The following HOMER2 variants were observed in gnomAD, a reference collection of about 807,000 sequenced individuals.
HOMER2 encodes homer protein homolog 2.
HOMER2 carries 27 observed loss-of-function variants against 47.0 expected under a neutral mutation model. The ratio of observed to expected loss-of-function variants is 0.57; its 90% CI spans 0.42 to 0.79. HOMER2 has a LOEUF of 0.79. Ranked by LOEUF, HOMER2 falls within the 30% of genes least tolerant of loss-of-function variation. The probability of loss-of-function intolerance (pLI) is 0.00; values close to 1 mark genes in which losing one functional copy is unlikely to be tolerated. For synonymous variants in HOMER2, 161 were observed against 163.8 expected (o/e 0.98, Z 0.13); for missense variants, 443 against 435.0 (o/e 1.02, Z -0.16).
At chr15:82,902,166 C>T (rs2053141010) in intron 1 of HOMER2, among the ~76,000 whole-genome samples, 1 of 151,230 alleles carries the variant, frequency 6.6e-6, no homozygotes, top group South Asian at 2.1e-4. Context: ...ATATGAACTC[C>T]ACAAGCTAAG....
chr15:82,859,314 T>TTAAAC lies in HOMER2; in HGVS notation c.388-180_388-179insGTTTA, dbSNP rs397746891. 5.6e-3 allele frequency: 4,571 copies of TTAAAC among 820,696 alleles called. 8 individuals carry two copies. Among genetic ancestry groups the TTAAAC allele is most frequent in the Non-Finnish European group, 6.7e-3 (3,514 of 523,618 alleles). 50.8% of individuals were successfully genotyped at this position (820,696 alleles called of 1,614,324 possible). A position where few individuals can be genotyped will look rare whatever the true frequency, so the allele number is the denominator to read the frequency against. Reference sequence around the variant, plus strand: ...GACTAACAAGTTTTTGTTTTTTTTTTAAACAAACAAACAAACAAAAAAGAA... The same window carrying TTAAAC: ...GACTAACAAGTTTTTGTTTTTTTTTTTAAACAAACAAACAAACAAACAAAAAAGAA... On this transcript the variant is annotated intron_variant, in intron 4 of 8. Transcript: ENST00000450735.
chr15:82,880,493 G>GT (rs1447121854), intron 2 of HOMER2, among the ~76,000 whole-genome samples: 3 of 152,188 alleles, frequency 2.0e-5, no homozygotes, highest in African/African-American at 7.2e-5. Flanking sequence ...CCACTGGGTG[G>GT]TGGGTACATA....
chr15:82,900,488 T>C (rs903296472), intron 1 of HOMER2, among the ~76,000 whole-genome samples: 1 of 151,630 alleles, frequency 6.6e-6, no homozygotes, highest in Non-Finnish European at 1.5e-5. Flanking sequence ...ACTGGAAAAC[T>C]CTATGTGAGG....
At chr15:82,858,367 G>A (rs1206768252) in intron 5 of HOMER2, among the ~76,000 whole-genome samples, 2 of 151,778 alleles carry the variant, frequency 1.3e-5, no homozygotes, top group Admixed American at 6.6e-5. Context: ...TCAGCTCACT[G>A]CAGCCTCTGC....
chr15:82,858,883 T>C (rs2051678493), intron 5 of HOMER2, 146 bp downstream of exon 5: 2 of 919,392 alleles, frequency 2.2e-6, no homozygotes, highest in African/African-American at 1.7e-5. Flanking sequence ...CCAGCTGGCC[T>C]TCCTTTCACC....
At chr15:82,871,535 G>A (rs980918292) in intron 3 of HOMER2, among the ~76,000 whole-genome samples, 1 of 152,178 alleles carries the variant, frequency 6.6e-6, no homozygotes, top group Non-Finnish European at 1.5e-5. Context: ...TTATCAGCGT[G>A]TGGTTAATCA....
chr15:82,895,627 C>T (rs117331323), intron 1 of HOMER2, among the ~76,000 whole-genome samples: 2,636 of 152,328 alleles, frequency 0.017, 36 homozygotes, highest in Middle Eastern at 0.031. Flanking sequence ...AATTATGCCT[C>T]ATTGTCAGAG....
chr15:82,892,890 A>G (rs766433127), intron 1 of HOMER2, 49 bp from the exon 2 acceptor site: 24 of 1,387,312 alleles, frequency 1.7e-5, no homozygotes, highest in Non-Finnish European at 2.2e-5. Flanking sequence ...GACTTAATGT[A>G]TAATTTATGA....
intron 1 of HOMER2, among the ~76,000 whole-genome samples, chr15:82,920,789 C>T (rs575212678): frequency 2.0e-5 from 3 of 152,016 alleles, no homozygotes; most frequent in East Asian, 3.9e-4. Flanking sequence ...CAGAAATGAG[C>T]ATCTGATATA....
At chr15:82,869,450 CTTTTTTTTTTTTTT>C (rs71822678) in intron 3 of HOMER2, among the ~76,000 whole-genome samples, 2 of 70,240 alleles carry the variant, frequency 2.8e-5, no homozygotes, top group Admixed American at 4.7e-4. Context: ...TACTAAACAT[CTTTTTTTTTTTTTT>C]TTTTTTTTTT....
chr15:82,935,168 T>C (rs575708717), intron 1 of HOMER2, among the ~76,000 whole-genome samples: 1 of 152,312 alleles, frequency 6.6e-6, no homozygotes, highest in South Asian at 2.1e-4. Flanking sequence ...CGCCCTCTCA[T>C]GTATGGTCCT....
intron 1 of HOMER2, among the ~76,000 whole-genome samples, chr15:82,977,981 C>A (rs942776178): frequency 6.6e-6 from 1 of 152,118 alleles, no homozygotes; most frequent in African/African-American, 2.4e-5. Flanking sequence ...GAAACCCCGT[C>A]TCTACTAAAA....
At chr15:82,904,650 C>T (rs2053234667) in intron 1 of HOMER2, among the ~76,000 whole-genome samples, 1 of 152,188 alleles carries the variant, frequency 6.6e-6, no homozygotes, top group Non-Finnish European at 1.5e-5. Flanking sequence ...TACCCAACTC[C>T]AGCCCCCTTC....
intron 2 of HOMER2, among the ~76,000 whole-genome samples, chr15:82,875,689 T>C (rs2151071041): frequency 6.6e-6 from 1 of 152,288 alleles, no homozygotes; most frequent in South Asian, 2.1e-4. Flanking sequence ...AAACAAAGAA[T>C]AGTTTCCCAA....
At chr15:82,892,939 C>T in intron 1 of HOMER2, 98 bp from the exon 2 acceptor site, 2 of 951,330 alleles carry the variant, frequency 2.1e-6, no homozygotes, top group Non-Finnish European at 2.9e-6. Flanking sequence ...TTTTAAATAG[C>T]TTATAGGGAA....
intron 6 of HOMER2, among the ~76,000 whole-genome samples, chr15:82,854,196 G>C (rs1365648737): frequency 6.6e-6 from 1 of 152,198 alleles, no homozygotes; most frequent in Non-Finnish European, 1.5e-5. Flanking sequence ...CCTGAGGCCA[G>C]GAGTTTGAGA....
rs937851927 is a variant in HOMER2, at chr15:82,966,769, T to C, written n.83-7461A>G. 3.3e-5 allele frequency among the ~76,000 whole-genome samples: 5 copies of C among 152,234 alleles called. No individual in the cohort carries two copies. In the South Asian group the frequency reaches 6.2e-4, roughly 19 times the overall value. On this transcript the variant is annotated intron_variant and non_coding_transcript_variant, in intron 1 of 1. Transcript: ENST00000500334. ...GCATTGTGGGTTACAGTGAGCAAAG[T>C]TGTTTCTCAGAAACTCTTTAGAAAA...
chr15:82,898,155 G>A (rs2052996839), intron 1 of HOMER2, among the ~76,000 whole-genome samples: 1 of 152,172 alleles, frequency 6.6e-6, no homozygotes, highest in Non-Finnish European at 1.5e-5. Flanking sequence ...ACCTTTATGG[G>A]CAAAATCCAA....
intron 1 of HOMER2, among the ~76,000 whole-genome samples, chr15:82,908,749 A>T (rs1241528624): frequency 0.01 from 1,145 of 109,920 alleles, 15 homozygotes; most frequent in Non-Finnish European, 0.013. Flanking sequence ...TTTTTTTTTA[A>T]AAAAAAAAAA....
Sources: gnomAD v4.1 joint callset for allele counts (sites outside exome capture counted in the v4.1 genomes callset) on GRCh38, gnomAD v4.1.1 for gene constraint, MANE v1.5 for transcripts, NCBI Gene and HGNC (gene_info 2026-07-23, HGNC 2026-07-21) for gene names.